The following SLC1A3 variants were observed in gnomAD, a reference collection of about 807,000 sequenced individuals.
SLC1A3 encodes solute carrier family 1 member 3.
A neutral mutation model predicts 48.1 loss-of-function variants in SLC1A3; 21 were observed. That is an observed-to-expected ratio of 0.44 (90% CI 0.31 to 0.63). The LOEUF (loss-of-function observed/expected upper bound fraction) is 0.63. Ranked by LOEUF, SLC1A3 falls within the 20% of genes least tolerant of loss-of-function variation. The pLI is 0.08. For missense variants in SLC1A3, 546 were observed against 689.0 expected, an observed-to-expected ratio of 0.79 and a Z score of 2.32; for synonymous variants, 239 against 251.4, an observed-to-expected ratio of 0.95 and a Z score of 0.47.
intron 2 of SLC1A3, chr5:36,612,886 T>C (rs2111678948): frequency 2.2e-6 from 1 of 454,422 alleles, no homozygotes; most frequent in South Asian, 1.6e-5. Context: ...ACTCCAGCAA[T>C]TTGCTGAGGG....
chr5:36,612,184 C>G (rs935035295), intron 2 of SLC1A3, among the ~76,000 whole-genome samples: 1 of 152,080 alleles, frequency 6.6e-6, no homozygotes, highest in Non-Finnish European at 1.5e-5. Flanking sequence ...ATATTGATCT[C>G]TCACACACAC....
rs1742724856 is a variant in SLC1A3, at chr5:36,688,015, T to C, written c.*1746T>C. Reference sequence around the variant, plus strand: ...TTTTATATAGACCCCAAGCATTCTGTGCATAAAAGTTAACATTAGGCTGTG... The same window carrying C: ...TTTTATATAGACCCCAAGCATTCTGCGCATAAAAGTTAACATTAGGCTGTG... On this transcript the variant is annotated 3_prime_UTR_variant, in exon 10 of 10. Transcript: ENST00000265113. 1 of 152,228 alleles carries C rather than the reference T, an allele frequency of 6.6e-6. No individual in the cohort carries two copies. Among genetic ancestry groups the C allele is most frequent in the African/African-American group, 2.4e-5 (1 of 41,458 alleles). 9.4% of individuals were successfully genotyped at this position (152,228 alleles called of 1,614,324 possible).
At chr5:36,605,366 G>T (rs929183012), upstream of SLC1A3, among the ~76,000 whole-genome samples, 3 of 152,196 alleles carry the variant, frequency 2.0e-5, no homozygotes, top group African/African-American at 7.2e-5. Context: ...TTCTTAAAAT[G>T]ATAGCATGTT....
At chr5:36,659,889 C>A (rs1425288391) in intron 3 of SLC1A3, among the ~76,000 whole-genome samples, 1 of 152,156 alleles carries the variant, frequency 6.6e-6, no homozygotes, top group Non-Finnish European at 1.5e-5. Flanking sequence ...TTAGAAGAAG[C>A]ATGTTATCCT....
upstream of SLC1A3, among the ~76,000 whole-genome samples, chr5:36,602,277 C>T (rs1180964491): frequency 2.6e-5 from 4 of 152,140 alleles, no homozygotes; most frequent in African/African-American, 4.8e-5. Flanking sequence ...ACTATGATCC[C>T]CAGCATATTA....
chr5:36,654,081 A>T (rs1365378113), intron 3 of SLC1A3, among the ~76,000 whole-genome samples: 1 of 152,148 alleles, frequency 6.6e-6, no homozygotes, highest in Non-Finnish European at 1.5e-5. Context: ...TGACCTCGTG[A>T]TCCACCCTCC....
At chr5:36,652,751 T>A (rs1741134322) in intron 3 of SLC1A3, among the ~76,000 whole-genome samples, 2 of 152,196 alleles carry the variant, frequency 1.3e-5, no homozygotes, top group African/African-American at 4.8e-5. Context: ...CAGATGTAAA[T>A]GCACAGCGGA....
chr5:36,683,425 C>T (rs962721059), intron 8 of SLC1A3, among the ~76,000 whole-genome samples: 15 of 151,444 alleles, frequency 9.9e-5, no homozygotes, highest in African/African-American at 2.2e-4. Context: ...ATCTCATTTA[C>T]GGGCCAGGCA....
intron 1 of SLC1A3, among the ~76,000 whole-genome samples, chr5:36,600,804 A>G (rs537186295): frequency 6.6e-6 from 1 of 152,278 alleles, no homozygotes; most frequent in East Asian, 1.9e-4. Context: ...GCACAGCCCA[A>G]ATCTTGAATG....
At chr5:36,610,819 G>A (rs985776214) in intron 2 of SLC1A3, among the ~76,000 whole-genome samples, 5 of 152,118 alleles carry the variant, frequency 3.3e-5, no homozygotes, top group African/African-American at 7.2e-5. Context: ...TAAGTTGGCC[G>A]GGTGCCCTCA....
At position 36,687,280 on chromosome 5, in the gene SLC1A3, A is replaced by G. The variant is rs1742689345; in HGVS notation, c.*1011A>G. ...CAGATGAGAAGACTAGCAGCTAGCAAGGGTGCTTGTGGTCACACTGTGGAA... is the reference window on the plus strand; with the variant it reads ...CAGATGAGAAGACTAGCAGCTAGCAGGGGTGCTTGTGGTCACACTGTGGAA... On this transcript the variant is annotated 3_prime_UTR_variant, in exon 10 of 10. Transcript: ENST00000265113. 1 of 152,258 alleles carries G rather than the reference A, an allele frequency of 6.6e-6. No individual in the cohort carries two copies. Among genetic ancestry groups the G allele is most frequent in the African/African-American group, 2.4e-5 (1 of 41,468 alleles). The allele number at this position is 152,258 out of a possible 1,614,324, so 9.4% of individuals were successfully genotyped here. A position where few individuals can be genotyped will look rare whatever the true frequency, so the allele number is the denominator to read the frequency against.
intron 7 of SLC1A3, 171 bp from the exon 8 acceptor site, chr5:36,680,224 G>A: frequency 4.4e-6 from 3 of 679,604 alleles, no homozygotes; most frequent in Admixed American, 2.1e-5. Flanking sequence ...ATGACCCCGT[G>A]AGGGGACCAC....
chr5:36,675,232 T>C (rs1160367725), intron 5 of SLC1A3, among the ~76,000 whole-genome samples: 1 of 141,952 alleles, frequency 7.0e-6, no homozygotes, highest in Non-Finnish European at 1.5e-5. Flanking sequence ...CATTGAAACA[T>C]TCAAACCAAA....
At chr5:36,596,930 T>C (rs986000175) in intron 1 of SLC1A3, among the ~76,000 whole-genome samples, 1 of 151,914 alleles carries the variant, frequency 6.6e-6, no homozygotes, top group Admixed American at 6.5e-5. Flanking sequence ...TTTCTGCTGA[T>C]AGATATCTTG....
At chr5:36,656,455 CAT>C (rs1191152969) in intron 3 of SLC1A3, among the ~76,000 whole-genome samples, 4 of 152,206 alleles carry the variant, frequency 2.6e-5, no homozygotes, top group African/African-American at 9.6e-5. Flanking sequence ...CTTTTCTCCA[CAT>C]GAGCTAAATA....
At chr5:36,660,785 T>C (rs1018626375) in intron 3 of SLC1A3, among the ~76,000 whole-genome samples, 1 of 152,234 alleles carries the variant, frequency 6.6e-6, no homozygotes, top group Admixed American at 6.5e-5. Flanking sequence ...AGCTTTTAAA[T>C]GCTGAGAAAA....
chr5:36,665,219 G>GAA (rs35654981), intron 3 of SLC1A3, among the ~76,000 whole-genome samples: 71 of 141,274 alleles, frequency 5.0e-4, no homozygotes, highest in South Asian at 1.5e-3. Flanking sequence ...CTAAGTGTTA[G>GAA]AAAAAAAAAA....
At position 36,610,033 on chromosome 5, in the gene SLC1A3, G is replaced by A. The variant is rs544872986; in HGVS notation, c.181+1429G>A. 6.2e-4 allele frequency among the ~76,000 whole-genome samples: 95 copies of A among 152,284 alleles called. 1 individual carries two copies. The highest frequency in any genetic ancestry group is 1.2e-3 in the Admixed American group (19 of 15,296). On this transcript the variant is annotated intron_variant, in intron 2 of 9. Transcript: ENST00000265113. ...TAATCCTCAAACAAGCCTATGAAGC[G>A]AGTGAGAAGGTATGATTACTATGAT...
chr5:36,657,136 A>G (rs986759441), intron 3 of SLC1A3, among the ~76,000 whole-genome samples: 2 of 152,246 alleles, frequency 1.3e-5, no homozygotes, highest in South Asian at 4.1e-4. Context: ...GATATTTATT[A>G]GCTTATACTT....
Sources: allele counts gnomAD v4.1 joint callset (sites outside exome capture counted in the v4.1 genomes callset), GRCh38; gene constraint gnomAD v4.1.1; transcripts MANE v1.5; gene names NCBI Gene and HGNC (gene_info 2026-07-23, HGNC 2026-07-21).